Variants in BRAF observed in about 807,000 individuals in gnomAD.
BRAF encodes serine/threonine-protein kinase B-raf.
In BRAF, 16 loss-of-function variants were observed where a neutral mutation model predicts 104.6. The observed-to-expected ratio is 0.15, with a 90% CI of 0.10 to 0.23. The LOEUF (loss-of-function observed/expected upper bound fraction) is 0.23. Ranked by LOEUF, BRAF falls within the 10% of genes least tolerant of loss-of-function variation. The probability of loss-of-function intolerance (pLI) is 1.00; values close to 1 mark genes in which losing one functional copy is unlikely to be tolerated. For synonymous variants in BRAF, 310 were observed against 341.6 expected, an observed-to-expected ratio of 0.91 and a Z score of 1.02; for missense variants, 541 against 937.3, an observed-to-expected ratio of 0.58 and a Z score of 5.52.
Position 140,720,790 on chromosome 7 carries a change from C to G in BRAF, c.*5704G>C. 9.4e-7 allele frequency: 1 copy of G among 1,066,038 alleles called. No individual in the cohort carries two copies. The highest frequency in any genetic ancestry group is 4.5e-5 in the South Asian group (1 of 21,990). The allele number at this position is 1,066,038 out of a possible 1,614,324, so 66.0% of individuals were successfully genotyped here. On this transcript the variant is annotated 3_prime_UTR_variant, in exon 20 of 20. Coordinates refer to ENST00000644969, the MANE Select transcript of BRAF (RefSeq NM_001374258.1). ...AACACACGTGGGTTCAAAAACTTAA[C>G]ACAAAAATGCAACGCAGTAATTTTC... is the stretch of plus-strand genomic sequence containing the variant.
At chr7:140,889,065 T>C (rs1468862363) in intron 1 of BRAF, among the ~76,000 whole-genome samples, 1 of 152,180 alleles carries the variant, frequency 6.6e-6, no homozygotes, top group East Asian at 1.9e-4. Flanking sequence ...TTCTACATCG[T>C]AGGATTCACT....
In BRAF at chr7:140,723,382, T is replaced by C. The variant is rs1262467405; in HGVS notation, c.*3112A>G. On this transcript the variant is annotated 3_prime_UTR_variant, in exon 20 of 20. Transcript: ENST00000644969. ...CCAACACCAACATAAATATAGCATA[T>C]ATCATTTGTATGGGATTTTATCTTC... 9.5e-7 allele frequency: 1 copy of C among 1,054,100 alleles called. No homozygotes were observed. Among genetic ancestry groups the C allele is most frequent in the Non-Finnish European group, 1.1e-6 (1 of 872,484 alleles). 65.3% of individuals were successfully genotyped at this position (1,054,100 alleles called of 1,614,324 possible).
intron 17 of BRAF, 164 bp downstream of exon 16, chr7:140,749,123 G>C: frequency 2.6e-6 from 2 of 774,396 alleles, no homozygotes; most frequent in Non-Finnish European, 2.0e-6. Flanking sequence ...AGGACTTAAC[G>C]TGTTGCTATT....
Position 140,725,657 on chromosome 7 carries a change from A to C in BRAF, c.*837T>G. 3.8e-6 allele frequency: 4 copies of C among 1,058,578 alleles called. No individual in the cohort carries two copies. The highest frequency in any genetic ancestry group is 4.6e-6 in the Non-Finnish European group (4 of 875,114). 65.6% of individuals were successfully genotyped at this position (1,058,578 alleles called of 1,614,324 possible). A position where few individuals can be genotyped will look rare whatever the true frequency, so the allele number is the denominator to read the frequency against. On this transcript the variant is annotated 3_prime_UTR_variant, in exon 20 of 20. Transcript: ENST00000644969. ...TGGTGACTGGAAGAGCATAGGAGGA[A>C]GATATAAACTGTATTTCCTGAGAAT...
At chr7:140,894,558 T>C in intron 1 of BRAF, among the ~76,000 whole-genome samples, 1 of 152,024 alleles carries the variant, frequency 6.6e-6, no homozygotes, top group East Asian at 1.9e-4. Context: ...TAGCAAGGAG[T>C]TAAAATAGTC....
intron 5 of BRAF, among the ~76,000 whole-genome samples, chr7:140,801,850 A>G (rs1803147678): frequency 6.6e-6 from 1 of 152,186 alleles, no homozygotes; most frequent in African/African-American, 2.4e-5. Flanking sequence ...AAGTAAAAGT[A>G]GACATGAAAA....
At chr7:140,889,505 T>G (rs867171686) in intron 1 of BRAF, among the ~76,000 whole-genome samples, 1 of 151,178 alleles carries the variant, frequency 6.6e-6, no homozygotes, top group Non-Finnish European at 1.5e-5. Flanking sequence ...TGTGCTCAAA[T>G]TTTTTTTATG....
intron 11 of BRAF, among the ~76,000 whole-genome samples, chr7:140,782,383 T>C (rs1445235695): frequency 6.6e-6 from 1 of 151,332 alleles, no homozygotes; most frequent in Non-Finnish European, 1.5e-5. Context: ...TAACCTGTGG[T>C]AACTACTGAC....
At chr7:140,857,207 A>T (rs1201981349) in intron 1 of BRAF, among the ~76,000 whole-genome samples, 1 of 152,238 alleles carries the variant, frequency 6.6e-6, no homozygotes, top group African/African-American at 2.4e-5. Flanking sequence ...GGTGATATAA[A>T]AACTCAGCAG....
intron 19 of BRAF, chr7:140,731,706 T>G (rs917709185): frequency 6.6e-6 from 1 of 152,130 alleles, no homozygotes; most frequent in Non-Finnish European, 1.5e-5. Context: ...TAAAAAAGAT[T>G]AAATGGCTAG....
chr7:140,886,071 A>C (rs6954652), intron 1 of BRAF, among the ~76,000 whole-genome samples: 45,774 of 152,026 alleles, frequency 0.3, 10,963 homozygotes, highest in African/African-American at 0.67. Context: ...GTCCTGAAAC[A>C]CCCATTGTTT....
rs1271180420 is a variant in BRAF at position 140,725,214 on chromosome 7, G to A, written c.*1280C>T. On this transcript the variant is annotated 3_prime_UTR_variant, in exon 20 of 20. Coordinates refer to ENST00000644969, the MANE Select transcript of BRAF (RefSeq NM_001374258.1). Reference sequence around the variant, plus strand: ...GACTAGAAAGAAGATGTGGGATATAGTGTTAGGAATCAGTTGGAAGAAACA... The same window carrying A: ...GACTAGAAAGAAGATGTGGGATATAATGTTAGGAATCAGTTGGAAGAAACA... 1 of 1,043,770 alleles carries A rather than the reference G, an allele frequency of 9.6e-7. No homozygotes were observed. The highest frequency in any genetic ancestry group is 1.7e-5 in the African/African-American group (1 of 59,964). The allele number at this position is 1,043,770 out of a possible 1,614,324, so 64.7% of individuals were successfully genotyped here.
intron 2 of BRAF, among the ~76,000 whole-genome samples, chr7:140,844,967 T>G (rs1808391978): frequency 6.6e-6 from 1 of 151,906 alleles, no homozygotes; most frequent in South Asian, 2.1e-4. Context: ...CAAAACAATT[T>G]TGAAAAAGAA....
rs1464006999 is a variant in BRAF at position 140,808,053 on chromosome 7, T to C, written c.618A>G (p.Lys206=). The C allele has an allele frequency of 6.2e-7, 1 of 1,611,662 alleles. No individual in the cohort carries two copies. Among genetic ancestry groups the C allele is most frequent in the Non-Finnish European group, 8.5e-7 (1 of 1,177,970 alleles). ...AAATATCAGTGTCCCAACCAATTGG[T>C]TTCTTCTCTCTGAAAAATGTAGACA... ...AVYRIQDGEK[K]PIGWDTDISW... is the part of the protein sequence containing the mutation. The change falls in exon 5 of 20, where the codon AAA becomes AAG. Residue 206 remains lysine (K), a synonymous_variant. Transcript: ENST00000644969.
intron 1 of BRAF, among the ~76,000 whole-genome samples, chr7:140,882,753 G>C (rs1813082557): frequency 6.6e-6 from 1 of 150,918 alleles, no homozygotes; most frequent in Non-Finnish European, 1.5e-5. Context: ...AGCACTTTGG[G>C]AGGCCGAGGC....
At chr7:140,744,227 CAGGTGGTTAATCATATGACTGAA>C (rs1023743706) in intron 17 of BRAF, among the ~76,000 whole-genome samples, 5 of 152,314 alleles carry the variant, frequency 3.3e-5, no homozygotes, top group Admixed American at 1.3e-4. Flanking sequence ...GTCAGCCCCG[CAGGTGGTTAATCATATGACTGAA>C]CCCCAATAAA....
intron 14 of BRAF, among the ~76,000 whole-genome samples, chr7:140,761,013 T>C (rs1346977021): frequency 2.0e-5 from 3 of 152,118 alleles, no homozygotes; most frequent in Non-Finnish European, 4.4e-5. Flanking sequence ...GGCAGGCCAA[T>C]GTTCAGATTC....
chr7:140,894,142 G>A (rs1376057641), intron 1 of BRAF, among the ~76,000 whole-genome samples: 2 of 151,988 alleles, frequency 1.3e-5, no homozygotes, highest in Admixed American at 1.3e-4. Context: ...TCAAAAAAAA[G>A]AAATAGGAAA....
chr7:140,846,975 G>A (rs1808623972), intron 2 of BRAF, among the ~76,000 whole-genome samples: 1 of 151,242 alleles, frequency 6.6e-6, no homozygotes, highest in South Asian at 2.1e-4. Flanking sequence ...GGCCAACATG[G>A]TGAAACCTGT....
Sources: allele counts gnomAD v4.1 joint callset (sites outside exome capture counted in the v4.1 genomes callset), GRCh38; gene constraint gnomAD v4.1.1; transcripts MANE v1.5; gene names NCBI Gene and HGNC (gene_info 2026-07-23, HGNC 2026-07-21).